PTPRN2: variants seen among roughly 807,000 people sequenced by gnomAD.
PTPRN2 encodes the protein receptor-type tyrosine-protein phosphatase N2.
Under a neutral mutation model 118.8 loss-of-function variants are expected in PTPRN2, and 74 were observed. The observed-to-expected ratio is 0.62, with a 90% CI of 0.52 to 0.76. The LOEUF is 0.76. Among genes scored for constraint, PTPRN2 ranks in the 30% least tolerant of loss-of-function variants. The pLI is 0.00. For missense variants in PTPRN2, 1,481 were observed against 1,394.4 expected, an observed-to-expected ratio of 1.06 and a Z score of -0.99; for synonymous variants, 641 against 608.0, an observed-to-expected ratio of 1.05 and a Z score of -0.80.
intron 2 of PTPRN2, among the ~76,000 whole-genome samples, chr7:158,399,012 T>C (rs1364341122): frequency 6.6e-6 from 1 of 152,222 alleles, no homozygotes; most frequent in Non-Finnish European, 1.5e-5. Flanking sequence ...ATGTCTTATG[T>C]ATTTGCTTAG....
At chr7:157,686,714 C>A (rs576878942) in intron 12 of PTPRN2, among the ~76,000 whole-genome samples, 14 of 152,124 alleles carry the variant, frequency 9.2e-5, no homozygotes, top group Admixed American at 2.6e-4. Flanking sequence ...GCGGAACACC[C>A]CCTTCTGTAC....
intron 9 of PTPRN2, among the ~76,000 whole-genome samples, chr7:158,118,249 C>A (rs1383427107): frequency 6.6e-6 from 1 of 151,986 alleles, no homozygotes; most frequent in East Asian, 1.9e-4. Flanking sequence ...TTTGTGATAT[C>A]AATAGCCAAA....
chr7:157,982,875 C>G (rs921743078), intron 11 of PTPRN2, among the ~76,000 whole-genome samples: 1 of 146,726 alleles, frequency 6.8e-6, no homozygotes, highest in Non-Finnish European at 1.5e-5. Flanking sequence ...TACCGGGTTC[C>G]CCCCTAAACC....
chr7:157,991,904 C>T (rs1435130011), intron 11 of PTPRN2, among the ~76,000 whole-genome samples: 1 of 151,718 alleles, frequency 6.6e-6, no homozygotes, highest in Non-Finnish European at 1.5e-5. Context: ...AAAAAAGGCT[C>T]CCAGCATCGG....
rs145556314 is a variant in PTPRN2 at position 158,356,905 on chromosome 7, G to A, written c.164-39973C>T. Among the ~76,000 whole-genome samples, 567 of 152,254 alleles carry A rather than the reference G, an allele frequency of 3.7e-3. 1 individual carries two copies. The highest frequency in any genetic ancestry group is 0.013 in the African/African-American group (540 of 41,552). ...CTGGGGACCAAGTAAAACCCATCACGATCATCATCGAAACTGTGGCTGGGA... is the reference window on the plus strand; with the variant it reads ...CTGGGGACCAAGTAAAACCCATCACAATCATCATCGAAACTGTGGCTGGGA... On this transcript the variant is annotated intron_variant, in intron 2 of 22. Transcript: ENST00000389418.
At chr7:158,489,679 C>A (rs1293241405) in intron 2 of PTPRN2, 56 bp downstream of exon 2, 1 of 1,518,000 alleles carries the variant, frequency 6.6e-7, no homozygotes, top group African/African-American at 1.4e-5. Context: ...GGGCGCTGCG[C>A]ACGGCGGGCA....
At chr7:158,251,670 T>C (rs935841743) in intron 3 of PTPRN2, among the ~76,000 whole-genome samples, 8 of 149,784 alleles carry the variant, frequency 5.3e-5, no homozygotes, top group African/African-American at 2.0e-4. Flanking sequence ...GTGCAATGGA[T>C]GTCTATGGTG....
At chr7:158,403,740 C>T (rs1402125524) in intron 2 of PTPRN2, among the ~76,000 whole-genome samples, 1 of 152,184 alleles carries the variant, frequency 6.6e-6, no homozygotes. Context: ...CCTGCACCCC[C>T]ACTCTGAAAA....
Position 157,903,640 on chromosome 7 carries a change from C to G in PTPRN2, c.1724-4903G>C, listed in dbSNP as rs1584987088. Reference sequence around the variant, plus strand: ...AACCTGAATTAGTGTTTGGTTTTTTCTTTTTCCTTTTTTTTTTTTATACTA... The same window carrying G: ...AACCTGAATTAGTGTTTGGTTTTTTGTTTTTCCTTTTTTTTTTTTATACTA... On this transcript the variant is annotated intron_variant, in intron 11 of 22. Transcript: ENST00000389418. The surrounding 1 kb of genome is among the most constrained non-coding windows in gnomAD (Gnocchi z 4.2). Among the ~76,000 whole-genome samples the G allele has an allele frequency of 7.6e-6, 1 of 131,496 alleles. No homozygotes were observed. Among genetic ancestry groups the G allele is most frequent in the Non-Finnish European group, 1.7e-5 (1 of 59,968 alleles). 86.3% of individuals were successfully genotyped at this position (131,496 alleles called of 152,430 possible). A position where few individuals can be genotyped will look rare whatever the true frequency, so the allele number is the denominator to read the frequency against.
intron 8 of PTPRN2, among the ~76,000 whole-genome samples, chr7:158,135,164 T>C: frequency 6.6e-6 from 1 of 152,218 alleles, no homozygotes; most frequent in East Asian, 1.9e-4. Context: ...TTATATTAGA[T>C]GTAAACAGGA....
chr7:158,542,408 C>A (rs1439077982), intron 1 of PTPRN2, among the ~76,000 whole-genome samples: 1 of 152,254 alleles, frequency 6.6e-6, no homozygotes, highest in African/African-American at 2.4e-5. Flanking sequence ...CCACCTCGGC[C>A]TCCCAAAGTG....
At chr7:157,626,582 G>A (rs764801266) in intron 14 of PTPRN2, among the ~76,000 whole-genome samples, 1 of 151,774 alleles carries the variant, frequency 6.6e-6, no homozygotes, top group Non-Finnish European at 1.5e-5. Flanking sequence ...TCAAACATAC[G>A]TCTCTGTGGC....
At chr7:158,129,993 T>C (rs1398809357) in intron 9 of PTPRN2, among the ~76,000 whole-genome samples, 5 of 152,224 alleles carry the variant, frequency 3.3e-5, no homozygotes, top group African/African-American at 1.2e-4. Flanking sequence ...TAGTGTAAGC[T>C]TCAAGTTTCT....
intron 3 of PTPRN2, among the ~76,000 whole-genome samples, chr7:158,270,937 GACC>G (rs1798415107): frequency 6.0e-5 from 2 of 33,250 alleles, no homozygotes; most frequent in Non-Finnish European, 1.0e-4. Context: ...CCCCCACCTG[GACC>G]ACCCCCCCAC....
intron 11 of PTPRN2, among the ~76,000 whole-genome samples, chr7:157,918,436 G>A (rs1394521931): frequency 3.9e-5 from 6 of 152,326 alleles, no homozygotes; most frequent in South Asian, 2.1e-4. Flanking sequence ...GCTGGAAGGC[G>A]TGGGCCGGTG....
intron 12 of PTPRN2, among the ~76,000 whole-genome samples, chr7:157,712,919 C>T (rs1021634857): frequency 6.6e-6 from 1 of 152,136 alleles, no homozygotes; most frequent in African/African-American, 2.4e-5. Context: ...CAGCTTCAGA[C>T]ATGCTCTCAG....
rs537872737 is a variant in PTPRN2, at chr7:158,450,662, G to C, written c.163+39073C>G. Among the ~76,000 whole-genome samples, 3 of 152,234 alleles carry C rather than the reference G, an allele frequency of 2.0e-5. No individual in the cohort carries two copies. The South Asian group carries it at 6.2e-4, about 32-fold the overall frequency. ...CCTTCCTTCTTTCACTCAGCTTCAT[G>C]TCTGTGAGATGATCCGAGTCGCCCC... On this transcript the variant is annotated intron_variant, in intron 2 of 22. Transcript: ENST00000389418.
chr7:158,193,846 T>A (rs1159502525), intron 4 of PTPRN2, among the ~76,000 whole-genome samples: 1 of 150,202 alleles, frequency 6.7e-6, no homozygotes, highest in Non-Finnish European at 1.5e-5. Flanking sequence ...CCAGCCAGGT[T>A]TAAGAACACC....
At chr7:158,449,387 G>A (rs960416259) in intron 2 of PTPRN2, among the ~76,000 whole-genome samples, 4 of 152,228 alleles carry the variant, frequency 2.6e-5, no homozygotes, top group African/African-American at 9.6e-5. Context: ...AGTTCAGTTT[G>A]CTCGAAGAGT....
Sources: gnomAD v4.1 joint callset for allele counts (sites outside exome capture counted in the v4.1 genomes callset) on GRCh38, gnomAD v4.1.1 for gene constraint, Gnocchi (gnomAD v3.1) non-coding constraint, MANE v1.5 for transcripts, NCBI Gene and HGNC (gene_info 2026-07-23, HGNC 2026-07-21) for gene names.